CMKLR2: variants seen among roughly 807,000 people sequenced by gnomAD.
CMKLR2 encodes the protein chemerin-like receptor 2.
A neutral mutation model predicts 23.0 loss-of-function variants in CMKLR2; 18 were observed. The observed-to-expected ratio is 0.78, with a 90% CI of 0.54 to 1.16. The LOEUF (loss-of-function observed/expected upper bound fraction) is 1.16, where lower values mean the gene tolerates loss of function less well. Among genes scored for constraint, CMKLR2 ranks in the 50% most tolerant of loss-of-function variants. The pLI is 0.00. For synonymous variants in CMKLR2, 158 were observed against 158.9 expected, an observed-to-expected ratio of 0.99 and a Z score of 0.05; for missense variants, 401 against 412.7, an observed-to-expected ratio of 0.97 and a Z score of 0.25.
At chr2:206,184,366 G>A (rs1484197144) in intron 1 of CMKLR2, among the ~76,000 whole-genome samples, 6 of 149,898 alleles carry the variant, frequency 4.0e-5, no homozygotes, top group Non-Finnish European at 8.9e-5. Context: ...GCATGATCTC[G>A]GTTCACTGCA....
intron 1 of CMKLR2, among the ~76,000 whole-genome samples, chr2:206,177,872 G>A (rs772584344): frequency 2.6e-4 from 39 of 152,060 alleles, no homozygotes; most frequent in Non-Finnish European, 2.6e-4. Context: ...ATGCTTGTAG[G>A]GCTGACTAGA....
chr2:206,194,822 C>T (rs1022078621), intron 1 of CMKLR2, among the ~76,000 whole-genome samples: 3 of 139,238 alleles, frequency 2.2e-5, no homozygotes, highest in Non-Finnish European at 4.5e-5. Context: ...GGCACAATCT[C>T]GGCTCACTGC....
chr2:206,214,642 G>T (rs1190588228), upstream of CMKLR2, among the ~76,000 whole-genome samples: 1 of 150,418 alleles, frequency 6.6e-6, no homozygotes, highest in Non-Finnish European at 1.5e-5. Context: ...ATTTTTTTTT[G>T]AGACGGAGTC....
At chr2:206,215,441 T>G (rs1244833645), upstream of CMKLR2, among the ~76,000 whole-genome samples, 1 of 152,140 alleles carries the variant, frequency 6.6e-6, no homozygotes, top group Non-Finnish European at 1.5e-5. Flanking sequence ...AACCATTGAG[T>G]AGCAAAGAAT....
intron 1 of CMKLR2, among the ~76,000 whole-genome samples, chr2:206,194,921 T>C (rs1688873422): frequency 6.6e-6 from 1 of 150,464 alleles, no homozygotes; most frequent in African/African-American, 2.4e-5. Flanking sequence ...GCCTGGCTAA[T>C]TTTTTTTTGT....
At chr2:206,214,165 A>ATTTTTTTTTTTTTTTT (rs34307347), upstream of CMKLR2, among the ~76,000 whole-genome samples, 41 of 64,936 alleles carry the variant, frequency 6.3e-4, 2 homozygotes, top group Non-Finnish European at 9.0e-4. Context: ...TAAAGACTTG[A>ATTTTTTTTTTTTTTTT]TTTTTTTTTT....
chr2:206,216,019 G>C (rs1240276417), upstream of CMKLR2, among the ~76,000 whole-genome samples: 1 of 152,192 alleles, frequency 6.6e-6, no homozygotes, highest in East Asian at 1.9e-4. Context: ...TGTATGAGGG[G>C]AAGGGATAGC....
chr2:206,188,332 T>C (rs968508713), intron 1 of CMKLR2, among the ~76,000 whole-genome samples: 2 of 152,234 alleles, frequency 1.3e-5, no homozygotes, highest in African/African-American at 4.8e-5. Context: ...GAGATGTCCA[T>C]GTAGTTTTCT....
chr2:206,199,502 T>A (rs1689023403), intron 1 of CMKLR2, among the ~76,000 whole-genome samples: 1 of 151,858 alleles, frequency 6.6e-6, no homozygotes, highest in Non-Finnish European at 1.5e-5. Flanking sequence ...AGGGAAAAGA[T>A]CCTGGTTCAA....
intron 1 of CMKLR2, among the ~76,000 whole-genome samples, chr2:206,192,326 TTTATTA>T (rs1162248415): frequency 6.7e-6 from 1 of 149,706 alleles, no homozygotes; most frequent in African/African-American, 2.4e-5. Context: ...TATTTTTTAT[TTTATTA>T]TTTTATTTTA....
upstream of CMKLR2, among the ~76,000 whole-genome samples, chr2:206,214,785 G>A (rs1188491279): frequency 4.0e-5 from 6 of 151,668 alleles, no homozygotes; most frequent in Admixed American, 6.6e-5. Flanking sequence ...CACCACGCCC[G>A]GCTAATTTTT....
intron 1 of CMKLR2, among the ~76,000 whole-genome samples, chr2:206,184,029 G>T (rs1688496347): frequency 6.6e-6 from 1 of 152,174 alleles, no homozygotes. Context: ...TGAAATCAAG[G>T]TTGTTTCCTT....
At chr2:206,197,221 T>A (rs987229741) in intron 1 of CMKLR2, among the ~76,000 whole-genome samples, 22 of 152,162 alleles carry the variant, frequency 1.4e-4, no homozygotes, top group African/African-American at 3.9e-4. Flanking sequence ...ATGCATATTC[T>A]TTACTGCTCC....
At chr2:206,180,087 T>A (rs1688363026) in intron 1 of CMKLR2, among the ~76,000 whole-genome samples, 1 of 152,034 alleles carries the variant, frequency 6.6e-6, no homozygotes. Context: ...ATTTTCTGAC[T>A]TACCTTCCTG....
intron 1 of CMKLR2, among the ~76,000 whole-genome samples, chr2:206,208,770 A>G (rs1354800119): frequency 6.6e-6 from 1 of 151,866 alleles, no homozygotes; most frequent in Non-Finnish European, 1.5e-5. Context: ...TTCCTAAGTA[A>G]CTAGGACCTC....
chr2:206,211,223 G>T (rs1371146712), intron 1 of CMKLR2, among the ~76,000 whole-genome samples: 1 of 152,076 alleles, frequency 6.6e-6, no homozygotes, highest in Non-Finnish European at 1.5e-5. Flanking sequence ...TAGTTTATGT[G>T]TTTATAGCGA....
chr2:206,194,611 T>G (rs748745876), intron 1 of CMKLR2, among the ~76,000 whole-genome samples: 12 of 151,506 alleles, frequency 7.9e-5, no homozygotes, highest in Non-Finnish European at 1.6e-4. Flanking sequence ...AATTTTTGTA[T>G]TTTTAGTAGA....
rs777607536 is a variant in CMKLR2 at position 206,176,357 on chromosome 2, A to C, written c.891T>G (p.Ser297Arg). 2 of 1,614,180 alleles carry C rather than the reference A, an allele frequency of 1.2e-6. No individual in the cohort carries two copies. The highest frequency in any genetic ancestry group is 4.5e-5 in the East Asian group (2 of 44,880). The change falls in exon 2 of 2, where the codon AGT (serine) becomes AGG (arginine). Residue 297 changes from serine (S) to arginine (R), a missense_variant. By Grantham distance (110) the Ser-to-Arg change is moderately radical. Coordinates refer to ENST00000621141, the MANE Select transcript of CMKLR2 (RefSeq NM_001389445.1). The stretch of plus-strand genomic sequence containing the variant: ...GGACATAAAGGATGGGGTTCAAGCA[A>C]CTATTGAGGAATGCCAAACCAGTGG... ...PLSTGLAFLNSCLNPILYVLI... is the reference protein window; with the variant it reads ...PLSTGLAFLNRCLNPILYVLI...
upstream of CMKLR2, among the ~76,000 whole-genome samples, chr2:206,214,213 C>T (rs186006369): frequency 5.2e-3 from 697 of 134,118 alleles, 4 homozygotes; most frequent in Admixed American, 8.6e-3. Context: ...TCGCTGTTGC[C>T]CAGGCTGGAG....
Sources: allele counts gnomAD v4.1 joint callset (sites outside exome capture counted in the v4.1 genomes callset), GRCh38; gene constraint gnomAD v4.1.1; transcripts MANE v1.5; gene names NCBI Gene and HGNC (gene_info 2026-07-23, HGNC 2026-07-21).